The following KALRN variants were observed in gnomAD, a reference collection of about 807,000 sequenced individuals.
KALRN encodes kalirin RhoGEF kinase.
A neutral mutation model predicts 353.7 loss-of-function variants in KALRN; 70 were observed. That is an observed-to-expected ratio of 0.20 (90% confidence interval 0.16 to 0.24). The LOEUF is 0.24. KALRN is among the 10% of genes least tolerant of loss of function. The pLI is 1.00. For synonymous variants in KALRN, 1,391 were observed against 1,434.8 expected, an observed-to-expected ratio of 0.97 and a Z score of 0.69; for missense variants, 2,791 against 3,756.7, an observed-to-expected ratio of 0.74 and a Z score of 6.72.
intron 5 of KALRN, among the ~76,000 whole-genome samples, chr3:124,275,331 A>G (rs1198581051): frequency 1.3e-5 from 2 of 152,084 alleles, no homozygotes; most frequent in African/African-American, 2.4e-5. Context: ...ATAAATATCT[A>G]AGCCCTTTTA....
At chr3:124,377,165 G>T (rs1197730072) in intron 10 of KALRN, among the ~76,000 whole-genome samples, 2 of 152,130 alleles carry the variant, frequency 1.3e-5, no homozygotes, top group African/African-American at 2.4e-5. Context: ...CTGAGCCTCA[G>T]TTTTCTCATT....
chr3:124,123,465 AG>A (rs1216500936), intron 1 of KALRN, among the ~76,000 whole-genome samples: 4 of 152,218 alleles, frequency 2.6e-5, no homozygotes, highest in South Asian at 2.1e-4. Flanking sequence ...GAGAGAGGGG[AG>A]GAAGCTGCAG....
At chr3:124,604,948 G>A (rs1342937988) in intron 34 of KALRN, among the ~76,000 whole-genome samples, 1 of 151,882 alleles carries the variant, frequency 6.6e-6, no homozygotes, top group African/African-American at 2.4e-5. Context: ...CTAAGCCAGG[G>A]GTTCCAAACC....
chr3:124,255,042 T>C (rs1401250962), intron 3 of KALRN, among the ~76,000 whole-genome samples: 1 of 151,832 alleles, frequency 6.6e-6, no homozygotes. Context: ...GCCTCCCGGG[T>C]TCAAGCAATT....
chr3:124,635,080 T>G (rs898147481), intron 36 of KALRN, among the ~76,000 whole-genome samples: 3 of 152,226 alleles, frequency 2.0e-5, no homozygotes, highest in Non-Finnish European at 4.4e-5. Flanking sequence ...GTGACTCACC[T>G]AGTCGTGGCC....
At chr3:124,544,421 C>T (rs1006919197) in intron 33 of KALRN, among the ~76,000 whole-genome samples, 18 of 152,122 alleles carry the variant, frequency 1.2e-4, no homozygotes, top group African/African-American at 2.2e-4. Context: ...ATGAGTCAGG[C>T]GTGGTGGTGG....
chr3:124,431,637 A>T (rs1440500350), intron 16 of KALRN, among the ~76,000 whole-genome samples: 1 of 152,228 alleles, frequency 6.6e-6, no homozygotes, highest in Admixed American at 6.5e-5. Flanking sequence ...CTTATGGTTC[A>T]GTATAGAATT....
chr3:124,708,492 A>T (rs963510768), intron 57 of KALRN, among the ~76,000 whole-genome samples: 1 of 152,216 alleles, frequency 6.6e-6, no homozygotes, highest in African/African-American at 2.4e-5. Flanking sequence ...AAATTTTTAA[A>T]TTTACAGCAT....
At chr3:124,039,988 A>C (rs2039806018) in intron 1 of KALRN, among the ~76,000 whole-genome samples, 1 of 152,164 alleles carries the variant, frequency 6.6e-6, no homozygotes, top group Non-Finnish European at 1.5e-5. Flanking sequence ...CTATATTTTT[A>C]TAGGCTATTT....
chr3:124,051,203 C>T (rs531291074), intron 1 of KALRN, among the ~76,000 whole-genome samples: 71 of 152,276 alleles, frequency 4.7e-4, no homozygotes, highest in Middle Eastern at 3.4e-3. Flanking sequence ...GGGCATATGA[C>T]GCAGTCTCTG....
At chr3:124,460,252 C>T (rs943204498) in intron 23 of KALRN, among the ~76,000 whole-genome samples, 1 of 152,064 alleles carries the variant, frequency 6.6e-6, no homozygotes, top group South Asian at 2.1e-4. Flanking sequence ...ATTTCAGAGG[C>T]GTCATAATTC....
chr3:124,115,575 C>T (rs180804926), intron 1 of KALRN, among the ~76,000 whole-genome samples: 76 of 152,264 alleles, frequency 5.0e-4, no homozygotes, highest in East Asian at 3.7e-3. Flanking sequence ...TGCCACTGTC[C>T]GAGCCCTGCT....
intron 34 of KALRN, among the ~76,000 whole-genome samples, chr3:124,607,701 C>T (rs1037930738): frequency 6.6e-6 from 1 of 152,118 alleles, no homozygotes; most frequent in Non-Finnish European, 1.5e-5. Flanking sequence ...ACTGCAACCT[C>T]CACCTCCTAG....
intron 1 of KALRN, among the ~76,000 whole-genome samples, chr3:124,199,825 G>C (rs937212126): frequency 1.3e-5 from 2 of 152,148 alleles, no homozygotes; most frequent in African/African-American, 4.8e-5. Context: ...TGGGTGGAGT[G>C]AGGCAAGATA....
Position 124,384,754 on chromosome 3 carries a change from C to T in KALRN, c.1771-91C>T, listed in dbSNP as rs2087942840. On this transcript the variant is annotated intron_variant, in intron 10 of 59. Coordinates refer to ENST00000682506, the MANE Select transcript of KALRN (RefSeq NM_001388419.1). ...CAGGGAGCTGTCAGCTCAGCGCCCA[C>T]GCCCCTCCGCTTCAGCTCCGGGGAG... 3.1e-6 allele frequency: 4 copies of T among 1,286,140 alleles called. No individual in the cohort carries two copies. The Admixed American group carries it at 6.6e-5, about 21-fold the overall frequency. 79.7% of individuals were successfully genotyped at this position (1,286,140 alleles called of 1,614,324 possible). A position where few individuals can be genotyped will look rare whatever the true frequency, so the allele number is the denominator to read the frequency against.
At chr3:124,433,596 TAAAA>T (rs144487793) in intron 16 of KALRN, among the ~76,000 whole-genome samples, 1 of 95,140 alleles carries the variant, frequency 1.1e-5, no homozygotes, top group Admixed American at 1.2e-4. Flanking sequence ...AGACCCTGTC[TAAAA>T]AAAAAAAAAA....
At chr3:124,302,245 C>T (rs912980439) in intron 6 of KALRN, among the ~76,000 whole-genome samples, 20 of 152,052 alleles carry the variant, frequency 1.3e-4, no homozygotes, top group African/African-American at 2.2e-4. Context: ...GAGAGTCCAG[C>T]GGAGAGATAG....
Position 124,456,679 on chromosome 3 carries a change from G to T in KALRN, c.3805G>T (p.Ala1269Ser). ...GGATCGGGAGGTCAAGCTGCGGGAC[G>T]CCAACCACGAAGTCAATGAAGAGAA... ...LSDREVKLRD[A>S]NHEVNEEKRK... is the part of the protein sequence containing the mutation. Residue 1269 changes from alanine to serine, a missense_variant, in exon 23 of 60, where the codon GCC (alanine) becomes TCC (serine). Physicochemically the swap from Ala to Ser is moderately conservative, Grantham distance 99. Coordinates refer to ENST00000682506, the MANE Select transcript of KALRN (RefSeq NM_001388419.1). The T allele has an allele frequency of 6.2e-7, 1 of 1,613,116 alleles. No homozygotes were observed. Among genetic ancestry groups the T allele is most frequent in the Non-Finnish European group, 8.5e-7 (1 of 1,179,360 alleles).
chr3:124,058,591 A>T (rs900529190), intron 1 of KALRN, among the ~76,000 whole-genome samples: 1 of 152,114 alleles, frequency 6.6e-6, no homozygotes, highest in Non-Finnish European at 1.5e-5. Flanking sequence ...ATATCTCTCT[A>T]TGGTGCCTGA....
Sources: gnomAD v4.1 joint callset for allele counts (sites outside exome capture counted in the v4.1 genomes callset) on GRCh38, gnomAD v4.1.1 for gene constraint, MANE v1.5 for transcripts, NCBI Gene and HGNC (gene_info 2026-07-23, HGNC 2026-07-21) for gene names.